The following RSRC1 variants were observed in gnomAD, a reference collection of about 807,000 sequenced individuals.
RSRC1 encodes serine/Arginine-related protein 53.
RSRC1 carries 39 observed loss-of-function variants against 49.1 expected under a neutral mutation model. The observed-to-expected ratio is 0.79, with a 90% confidence interval of 0.61 to 1.04. The LOEUF is 1.04. Among genes scored for constraint, RSRC1 ranks in the 50% least tolerant of loss-of-function variants. The probability of loss-of-function intolerance (pLI) is 0.00; values close to 1 mark genes in which losing one functional copy is unlikely to be tolerated. For missense variants in RSRC1, 388 were observed against 402.4 expected (o/e 0.96, Z 0.31); for synonymous variants, 143 against 130.8 (o/e 1.09, Z -0.63).
intron 3 of RSRC1, among the ~76,000 whole-genome samples, chr3:158,156,660 C>A (rs1380871360): frequency 2.0e-5 from 3 of 152,112 alleles, no homozygotes; most frequent in African/African-American, 7.2e-5. Flanking sequence ...GCCTAAATTT[C>A]AATATCGTTG....
At chr3:158,502,212 G>T (rs1739637220) in intron 7 of RSRC1, among the ~76,000 whole-genome samples, 2 of 152,156 alleles carry the variant, frequency 1.3e-5, no homozygotes, top group South Asian at 4.1e-4. Context: ...CTAGTTTGTA[G>T]GGTTTCTGCT....
intron 6 of RSRC1, among the ~76,000 whole-genome samples, chr3:158,393,924 G>A (rs1733469957): frequency 6.6e-6 from 1 of 151,964 alleles, no homozygotes; most frequent in Non-Finnish European, 1.5e-5. Context: ...CTAGCAAATG[G>A]AATCCAATAG....
intron 3 of RSRC1, among the ~76,000 whole-genome samples, chr3:158,193,651 G>C (rs753123110): frequency 6.6e-6 from 1 of 151,950 alleles, no homozygotes; most frequent in Non-Finnish European, 1.5e-5. Context: ...TTTTTTATCA[G>C]AAAACTTTAG....
At chr3:158,208,852 G>T (rs562294160) in intron 4 of RSRC1, among the ~76,000 whole-genome samples, 2 of 152,334 alleles carry the variant, frequency 1.3e-5, no homozygotes, top group South Asian at 4.1e-4. Context: ...TTGATTTGAT[G>T]ATGGTGAATG....
intron 6 of RSRC1, among the ~76,000 whole-genome samples, chr3:158,381,540 A>G (rs577406016): frequency 6.6e-6 from 1 of 152,332 alleles, no homozygotes; most frequent in East Asian, 1.9e-4. Context: ...ATACATTCTG[A>G]GAAATGCATC....
At chr3:158,321,341 TTC>T (rs1382474483) in intron 5 of RSRC1, among the ~76,000 whole-genome samples, 2 of 151,972 alleles carry the variant, frequency 1.3e-5, no homozygotes, top group African/African-American at 4.8e-5. Flanking sequence ...CCAGAATCTC[TTC>T]TCTCTCTTAT....
intron 6 of RSRC1, among the ~76,000 whole-genome samples, chr3:158,439,479 C>T (rs1736253480): frequency 6.6e-6 from 1 of 152,084 alleles, no homozygotes; most frequent in South Asian, 2.1e-4. Context: ...GAATACTATG[C>T]AGCCATAAAA....
At chr3:158,544,034 A>G (rs1713188504) in intron 9 of RSRC1, 149 bp from the exon 10 acceptor site, 1 of 546,016 alleles carries the variant, frequency 1.8e-6, no homozygotes, top group African/African-American at 1.9e-5. Context: ...CCAAATAGAT[A>G]GTCATCAATT....
At chr3:158,334,649 T>TTG (rs71840277) in intron 5 of RSRC1, among the ~76,000 whole-genome samples, 12,814 of 137,308 alleles carry the variant, frequency 0.093, 673 homozygotes, top group African/African-American at 0.1. Context: ...CCCAGCTAAT[T>TTG]TGTGTGTGTG....
At chr3:158,350,168 A>G (rs1730789031) in intron 5 of RSRC1, among the ~76,000 whole-genome samples, 1 of 129,054 alleles carries the variant, frequency 7.7e-6, no homozygotes, top group Non-Finnish European at 1.6e-5. Flanking sequence ...AGAAATATAT[A>G]TATATATATA....
intron 7 of RSRC1, among the ~76,000 whole-genome samples, chr3:158,493,076 C>T (rs1054868106): frequency 2.0e-5 from 3 of 152,136 alleles, no homozygotes; most frequent in East Asian, 1.9e-4. Context: ...TTAATTAACT[C>T]TACTGGAGGG....
chr3:158,172,094 G>A (rs531864311), intron 3 of RSRC1, among the ~76,000 whole-genome samples: 1 of 152,170 alleles, frequency 6.6e-6, no homozygotes, highest in Non-Finnish European at 1.5e-5. Flanking sequence ...CTTCTTATAT[G>A]TGTGTAATTA....
At chr3:158,162,912 T>C (rs918934410) in intron 3 of RSRC1, among the ~76,000 whole-genome samples, 5 of 152,202 alleles carry the variant, frequency 3.3e-5, no homozygotes, top group Non-Finnish European at 7.3e-5. Context: ...TCGTTAACTC[T>C]TCCAGGTAAA....
intron 4 of RSRC1, among the ~76,000 whole-genome samples, chr3:158,273,630 T>C (rs1725643417): frequency 6.6e-6 from 1 of 152,130 alleles, no homozygotes; most frequent in Non-Finnish European, 1.5e-5. Context: ...ATATGATATA[T>C]TGAGAACCTT....
In RSRC1 at chr3:158,517,212, A is replaced by G. The variant is rs1301291341; in HGVS notation, c.653-19880A>G. Among the ~76,000 whole-genome samples, 4 of 152,284 alleles carry G rather than the reference A, an allele frequency of 2.6e-5. No homozygotes were observed. The East Asian group carries it at 7.7e-4, about 29-fold the overall frequency. ...AATTAATTTTCTGTTCAGGGCTGCT[A>G]TATAGAAATGAAGTTGATTCTTGAG... On this transcript the variant is annotated intron_variant, in intron 7 of 9. Transcript: ENST00000611884.
chr3:158,242,941 G>A (rs923754948), intron 4 of RSRC1, among the ~76,000 whole-genome samples: 4 of 151,980 alleles, frequency 2.6e-5, no homozygotes, highest in African/African-American at 7.3e-5. Flanking sequence ...TGTAGATGCC[G>A]GATATTAGAC....
intron 7 of RSRC1, among the ~76,000 whole-genome samples, chr3:158,464,143 T>C (rs1737758435): frequency 6.6e-6 from 1 of 152,304 alleles, no homozygotes; most frequent in African/African-American, 2.4e-5. Context: ...TGTATGTGTT[T>C]GAAAATGTTC....
At chr3:158,317,296 T>G (rs916979966) in intron 5 of RSRC1, among the ~76,000 whole-genome samples, 2 of 152,182 alleles carry the variant, frequency 1.3e-5, no homozygotes, top group African/African-American at 4.8e-5. Context: ...TGGCGTGATC[T>G]CGGCTCACTG....
chr3:158,254,930 G>C (rs919883842), intron 4 of RSRC1, among the ~76,000 whole-genome samples: 1 of 151,926 alleles, frequency 6.6e-6, no homozygotes, highest in African/African-American at 2.4e-5. Context: ...TTTTTTTCTT[G>C]TAAATTTGTT....
Sources: allele counts gnomAD v4.1 joint callset (sites outside exome capture counted in the v4.1 genomes callset), GRCh38; gene constraint gnomAD v4.1.1; transcripts MANE v1.5; gene names NCBI Gene and HGNC (gene_info 2026-07-23, HGNC 2026-07-21).